The following PCDH9 variants were observed in gnomAD, a reference collection of about 807,000 sequenced individuals.
The protein encoded by PCDH9 is protocadherin-9.
A neutral mutation model predicts 70.6 loss-of-function variants in PCDH9; 24 were observed. That is an observed-to-expected ratio of 0.34 (90% CI 0.25 to 0.48). The LOEUF (loss-of-function observed/expected upper bound fraction) is 0.48, where lower values mean the gene tolerates loss of function less well. Among genes scored for constraint, PCDH9 ranks in the 20% least tolerant of loss-of-function variants. The probability of loss-of-function intolerance (pLI) is 0.99; values close to 1 mark genes in which losing one functional copy is unlikely to be tolerated. For missense variants in PCDH9, 1,281 were observed against 1,503.6 expected, an observed-to-expected ratio of 0.85 and a Z score of 2.45; for synonymous variants, 562 against 558.5, an observed-to-expected ratio of 1.01 and a Z score of -0.09.
At chr13:66,880,981 T>A (rs2081912499) in intron 3 of PCDH9, among the ~76,000 whole-genome samples, 1 of 152,222 alleles carries the variant, frequency 6.6e-6, no homozygotes, top group Admixed American at 6.5e-5. Context: ...TACACCTCAG[T>A]GATCTCCTGG....
At chr13:67,039,818 T>C (rs1306794601) in intron 2 of PCDH9, among the ~76,000 whole-genome samples, 1 of 152,144 alleles carries the variant, frequency 6.6e-6, no homozygotes. Flanking sequence ...AACAAAAGTG[T>C]GGGTACCCTA....
intron 4 of PCDH9, among the ~76,000 whole-genome samples, chr13:66,471,388 C>A (rs944805363): frequency 6.6e-6 from 1 of 151,832 alleles, no homozygotes; most frequent in East Asian, 1.9e-4. Flanking sequence ...CTTTTTCTTT[C>A]GAAGATTACT....
intron 3 of PCDH9, among the ~76,000 whole-genome samples, chr13:66,870,745 C>T (rs1438074590): frequency 6.6e-6 from 1 of 152,088 alleles, no homozygotes; most frequent in Non-Finnish European, 1.5e-5. Flanking sequence ...ACAACAGGTG[C>T]TGGAGAGGAT....
At chr13:66,311,752 A>G (rs1406248239) in intron 4 of PCDH9, among the ~76,000 whole-genome samples, 1 of 152,144 alleles carries the variant, frequency 6.6e-6, no homozygotes, top group East Asian at 1.9e-4. Context: ...TGCCCAATCA[A>G]TACATTTAAA....
At chr13:67,187,739 G>A (rs4884720) in intron 2 of PCDH9, among the ~76,000 whole-genome samples, 65,621 of 151,660 alleles carry the variant, frequency 0.43, 15,294 homozygotes, top group East Asian at 0.57. Flanking sequence ...TTCTCCAAAG[G>A]ACAAAGTGAA....
chr13:67,086,535 A>G (rs2086111018), intron 2 of PCDH9, among the ~76,000 whole-genome samples: 1 of 152,180 alleles, frequency 6.6e-6, no homozygotes, highest in Non-Finnish European at 1.5e-5. Context: ...TAAGTGGCCA[A>G]TAAAGATGAA....
chr13:66,985,009 A>G (rs2083860741), intron 2 of PCDH9, among the ~76,000 whole-genome samples: 1 of 151,958 alleles, frequency 6.6e-6, no homozygotes, highest in South Asian at 2.1e-4. Flanking sequence ...ACTTGCTGTT[A>G]TTTCTGCCTA....
At position 66,440,406 on chromosome 13, in the gene PCDH9, G is replaced by A. The variant is rs371080706; in HGVS notation, c.3341-135378C>T. Among the ~76,000 whole-genome samples, 35 of 152,082 alleles carry A rather than the reference G, an allele frequency of 2.3e-4. No individual in the cohort carries two copies. The South Asian group carries it at 7.1e-3, about 31-fold the overall frequency. On this transcript the variant is annotated intron_variant, in intron 4 of 4. Transcript: ENST00000377865. Reference sequence around the variant, plus strand: ...TATTAATTTCCTGTGCTTGATGTCTGGAAATGTCTTTTAGATTTTTTGGCT... The same window carrying A: ...TATTAATTTCCTGTGCTTGATGTCTAGAAATGTCTTTTAGATTTTTTGGCT...
intron 2 of PCDH9, among the ~76,000 whole-genome samples, chr13:66,986,323 A>G (rs976435141): frequency 2.0e-5 from 3 of 152,086 alleles, no homozygotes; most frequent in African/African-American, 4.8e-5. Flanking sequence ...CTACAATTCA[A>G]GATGAGATTT....
At chr13:67,071,667 A>G (rs955227675) in intron 2 of PCDH9, among the ~76,000 whole-genome samples, 3 of 152,042 alleles carry the variant, frequency 2.0e-5, no homozygotes, top group African/African-American at 7.2e-5. Context: ...GAGGCGGTAG[A>G]TCACCTGAGG....
chr13:66,915,877 C>T (rs2082548603), intron 2 of PCDH9, among the ~76,000 whole-genome samples: 1 of 151,718 alleles, frequency 6.6e-6, no homozygotes, highest in South Asian at 2.1e-4. Context: ...TCTCTCTCCC[C>T]TCCGTAGCAC....
At chr13:66,637,434 T>C (rs780788975) in intron 3 of PCDH9, among the ~76,000 whole-genome samples, 4 of 152,218 alleles carry the variant, frequency 2.6e-5, no homozygotes, top group African/African-American at 9.6e-5. Context: ...GATAAAATTA[T>C]AAAGCACTTT....
intron 4 of PCDH9, among the ~76,000 whole-genome samples, chr13:66,356,323 C>T (rs1956381739): frequency 6.6e-6 from 1 of 152,044 alleles, no homozygotes; most frequent in African/African-American, 2.4e-5. Context: ...TAGTTTGAAA[C>T]CCACTCTCTA....
At chr13:66,756,433 T>C (rs1201011381) in intron 3 of PCDH9, among the ~76,000 whole-genome samples, 1 of 152,302 alleles carries the variant, frequency 6.6e-6, no homozygotes, top group East Asian at 1.9e-4. Flanking sequence ...CTGTTTACAA[T>C]TAAAGACTGC....
chr13:66,770,249 A>G (rs1412119271), intron 3 of PCDH9, among the ~76,000 whole-genome samples: 1 of 152,170 alleles, frequency 6.6e-6, no homozygotes. Flanking sequence ...AAGACTACAC[A>G]CTGGGTACAG....
intron 3 of PCDH9, among the ~76,000 whole-genome samples, chr13:66,755,823 G>T (rs1461389321): frequency 6.6e-6 from 1 of 152,080 alleles, no homozygotes; most frequent in Non-Finnish European, 1.5e-5. Context: ...AAATTCCAAG[G>T]AATAAAAAAT....
intron 4 of PCDH9, among the ~76,000 whole-genome samples, chr13:66,466,242 GA>G: frequency 6.6e-6 from 1 of 150,880 alleles, no homozygotes; most frequent in South Asian, 2.1e-4. Context: ...GCACAAGTGA[GA>G]AGAAGTTAGA....
intron 2 of PCDH9, among the ~76,000 whole-genome samples, chr13:67,101,585 A>G (rs1390986729): frequency 6.6e-6 from 1 of 152,230 alleles, no homozygotes; most frequent in Non-Finnish European, 1.5e-5. Context: ...CAAAATGTAA[A>G]CCAGTGTAAA....
intron 2 of PCDH9, among the ~76,000 whole-genome samples, chr13:67,050,635 T>C (rs1179946222): frequency 6.6e-6 from 1 of 152,204 alleles, no homozygotes; most frequent in East Asian, 1.9e-4. Flanking sequence ...GTCATTTGGC[T>C]CAAACTTAAT....
Sources: allele counts gnomAD v4.1 joint callset (sites outside exome capture counted in the v4.1 genomes callset), GRCh38; gene constraint gnomAD v4.1.1; transcripts MANE v1.5; gene names NCBI Gene and HGNC (gene_info 2026-07-23, HGNC 2026-07-21).